ATP6V0A1: variants seen among roughly 807,000 people sequenced by gnomAD.
The protein encoded by ATP6V0A1 is ATPase H+ transporting V0 subunit a1, also known as V-type proton ATPase 116 kDa subunit a 1.
In ATP6V0A1, 43 loss-of-function variants were observed where a neutral mutation model predicts 105.4. That is an observed-to-expected ratio of 0.41 (90% CI 0.32 to 0.53). The LOEUF is 0.53. ATP6V0A1 is among the 20% of genes least tolerant of loss of function. The pLI is 0.30. For synonymous variants in ATP6V0A1, 362 were observed against 372.8 expected (o/e 0.97, Z 0.33); for missense variants, 676 against 1,051.1 (o/e 0.64, Z 4.93).
chr17:42,502,608 T>G (rs1433733077), intron 17 of ATP6V0A1, among the ~76,000 whole-genome samples: 1 of 152,170 alleles, frequency 6.6e-6, no homozygotes, highest in Non-Finnish European at 1.5e-5. Context: ...CCAAACGATC[T>G]TGTTGCATGA....
chr17:42,493,598 C>T (rs1017149646), intron 11 of ATP6V0A1, among the ~76,000 whole-genome samples: 1 of 152,156 alleles, frequency 6.6e-6, no homozygotes, highest in South Asian at 2.1e-4. Context: ...AAGTTCAGGA[C>T]TAGCTTGGGC....
intron 9 of ATP6V0A1, among the ~76,000 whole-genome samples, chr17:42,484,218 G>A (rs916533312): frequency 7.3e-5 from 11 of 151,612 alleles, no homozygotes; most frequent in African/African-American, 2.4e-4. Flanking sequence ...CCACACGCCC[G>A]GCTAATTTTT....
intron 21 of ATP6V0A1, chr17:42,519,398 A>G (rs1300691681): frequency 6.6e-6 from 1 of 151,820 alleles, no homozygotes; most frequent in Non-Finnish European, 1.5e-5. Context: ...GCTGACATTC[A>G]CTCCTAGGTA....
intron 9 of ATP6V0A1, 29 bp from the exon 10 acceptor site, chr17:42,487,126 T>A (rs1372416434): frequency 6.2e-7 from 1 of 1,606,572 alleles, no homozygotes; most frequent in East Asian, 2.2e-5. Context: ...GTTAAAAGGA[T>A]CCCTCGCTTG....
chr17:42,489,128 A>G (rs1390141344), intron 10 of ATP6V0A1, among the ~76,000 whole-genome samples: 3 of 145,674 alleles, frequency 2.1e-5, no homozygotes, highest in Non-Finnish European at 4.5e-5. Context: ...GCTGGAGTGC[A>G]GTGGCATGAT....
intron 16 of ATP6V0A1, 33 bp downstream of exon 16, chr17:42,500,956 G>A (rs2091618131): frequency 6.3e-7 from 1 of 1,577,652 alleles, no homozygotes; most frequent in Admixed American, 1.7e-5. Flanking sequence ...TGTCTGAGAT[G>A]ATTATACTTG....
At chr17:42,489,749 T>C (rs932692504) in intron 10 of ATP6V0A1, among the ~76,000 whole-genome samples, 4 of 151,804 alleles carry the variant, frequency 2.6e-5, no homozygotes, top group Non-Finnish European at 2.9e-5. Flanking sequence ...TCCGGGCACA[T>C]TGAGGTCTAT....
In ATP6V0A1 at chr17:42,465,590, A is replaced by G. The variant is rs1002265497; in HGVS notation, c.118-839A>G. Among the ~76,000 whole-genome samples the G allele has an allele frequency of 4.0e-5, 6 of 151,646 alleles. No homozygotes were observed. The South Asian group carries it at 8.4e-4, about 21-fold the overall frequency. ...CAAGCGTGAGCCACCGTGACCGGCC[A>G]GATTGCTAGCTTTTTAGTGAGTAGT... On this transcript the variant is annotated intron_variant, in intron 2 of 21. Transcript: ENST00000343619.
Position 42,465,029 on chromosome 17 carries a change from G to T in ATP6V0A1, c.118-1400G>T, listed in dbSNP as rs554635923. 8.7e-4 allele frequency among the ~76,000 whole-genome samples: 133 copies of T among 152,104 alleles called. 1 individual carries two copies. Among genetic ancestry groups the T allele is most frequent in the Non-Finnish European group, 1.6e-3 (108 of 67,994 alleles). ...ATTTTTTGAGACAGAGTCTCGCTCT[G>T]TTGCCCAGGCTGGAGTGCAATGGCA... On this transcript the variant is annotated intron_variant, in intron 2 of 21. Transcript: ENST00000343619.
chr17:42,460,770 A>G (rs2086310667), intron 1 of ATP6V0A1, 78 bp from the exon 2 acceptor site: 4 of 725,468 alleles, frequency 5.5e-6, no homozygotes, highest in Non-Finnish European at 2.4e-6. Flanking sequence ...ATGTAAATGC[A>G]AGAGCCGTAG....
At chr17:42,501,085 C>A in intron 16 of ATP6V0A1, 112 bp from the exon 17 acceptor site, 3 of 1,152,482 alleles carry the variant, frequency 2.6e-6, no homozygotes, top group East Asian at 2.4e-5. Context: ...TAGTGTTATT[C>A]ATAGATTAGT....
In ATP6V0A1 at chr17:42,521,129, G is replaced by A. The variant is rs749831995; in HGVS notation, c.*9G>A. The A allele has an allele frequency of 1.3e-6, 2 of 1,599,886 alleles. No individual in the cohort carries two copies. Among genetic ancestry groups the A allele is most frequent in the Admixed American group, 1.7e-5 (1 of 58,294 alleles). On this transcript the variant is annotated 3_prime_UTR_variant, in exon 22 of 22. Transcript: ENST00000343619. This position sits in a 1 kb window ranked among gnomAD's most constrained non-coding sequence, Gnocchi z 4.8. ...GGAAGTTTGAAGAGTGAGTCCCTGTGAGGGCCGTGTGCCCCATGCTACCCT... is the reference window on the plus strand; with the variant it reads ...GGAAGTTTGAAGAGTGAGTCCCTGTAAGGGCCGTGTGCCCCATGCTACCCT...
At chr17:42,516,762 G>A (rs963592721) in intron 21 of ATP6V0A1, among the ~76,000 whole-genome samples, 3 of 152,198 alleles carry the variant, frequency 2.0e-5, no homozygotes, top group Admixed American at 2.0e-4. Flanking sequence ...GCCTCCCCGT[G>A]TCTTCCCAGG....
chr17:42,483,302 A>T (rs1032185296), intron 9 of ATP6V0A1, among the ~76,000 whole-genome samples, 171 bp downstream of exon 9: 1 of 152,240 alleles, frequency 6.6e-6, no homozygotes, highest in Non-Finnish European at 1.5e-5. Context: ...GTATCAGGGA[A>T]TGATGGTTAA....
chr17:42,508,903 A>G (rs905384404), intron 19 of ATP6V0A1, among the ~76,000 whole-genome samples: 5 of 152,140 alleles, frequency 3.3e-5, no homozygotes, highest in African/African-American at 1.2e-4. Flanking sequence ...CTTGGGGGTT[A>G]AGTCCCATTG....
chr17:42,473,129 C>T (rs537690478), intron 5 of ATP6V0A1, among the ~76,000 whole-genome samples: 12 of 152,270 alleles, frequency 7.9e-5, no homozygotes, highest in African/African-American at 2.9e-4. Flanking sequence ...TCAGAAGGTA[C>T]AAATATTTAT....
chr17:42,477,490 C>T, intron 5 of ATP6V0A1, 170 bp from the exon 6 acceptor site: 1 of 581,364 alleles, frequency 1.7e-6, no homozygotes, highest in Non-Finnish European at 2.9e-6. Context: ...TTTTCATCCC[C>T]TATTCTTCTT....
intron 5 of ATP6V0A1, among the ~76,000 whole-genome samples, chr17:42,474,600 A>G (rs1216783663): frequency 6.6e-6 from 1 of 152,224 alleles, no homozygotes. Context: ...TGCACTTCAA[A>G]TAATGCGAAA....
At chr17:42,459,238 T>TAA (rs1175359432) in intron 1 of ATP6V0A1, 1 of 152,286 alleles carries the variant, frequency 6.6e-6, no homozygotes, top group African/African-American at 2.4e-5. Context: ...GGGGGCTTCT[T>TAA]AAAGGGTTTC....
Sources: allele counts gnomAD v4.1 joint callset (sites outside exome capture counted in the v4.1 genomes callset), GRCh38; gene constraint gnomAD v4.1.1; non-coding constraint Gnocchi (gnomAD v3.1); transcripts MANE v1.5; gene names NCBI Gene and HGNC (gene_info 2026-07-23, HGNC 2026-07-21).